The following BMP2 variants were observed in gnomAD, a reference collection of about 807,000 sequenced individuals.
The protein encoded by BMP2 is bone morphogenetic protein 2.
BMP2 carries 2 observed loss-of-function variants against 28.8 expected under a neutral mutation model. The ratio of observed to expected loss-of-function variants is 0.07; its 90% CI spans 0.03 to 0.22. The LOEUF (loss-of-function observed/expected upper bound fraction) is 0.22, where lower values mean the gene tolerates loss of function less well. Ranked by LOEUF, BMP2 falls within the 10% of genes least tolerant of loss-of-function variation. The pLI, the probability that BMP2 is intolerant of heterozygous loss-of-function variation, is 1.00. For synonymous variants in BMP2, 218 were observed against 204.3 expected, an observed-to-expected ratio of 1.07 and a Z score of -0.57; for missense variants, 437 against 517.7, an observed-to-expected ratio of 0.84 and a Z score of 1.51.
At chr20:6,774,749 A>G (rs923337669) in intron 2 of BMP2, among the ~76,000 whole-genome samples, 28 of 152,222 alleles carry the variant, frequency 1.8e-4, no homozygotes, top group African/African-American at 6.5e-4. Flanking sequence ...GCCAGATTAC[A>G]CTCAAAAAAA....
chr20:6,773,281 C>A (rs767877969), intron 2 of BMP2, among the ~76,000 whole-genome samples: 1 of 152,192 alleles, frequency 6.6e-6, no homozygotes, highest in African/African-American at 2.4e-5. Flanking sequence ...CAAATTCCCC[C>A]GTGCAAACAA....
At chr20:6,777,791 C>T (rs528708038) in intron 2 of BMP2, among the ~76,000 whole-genome samples, 1 of 152,188 alleles carries the variant, frequency 6.6e-6, no homozygotes, top group South Asian at 2.1e-4. Context: ...TAGAATACTG[C>T]TTAAGGGATT....
In BMP2 at chr20:6,767,750, G is replaced by C; in HGVS notation, c.-1133G>C. ...CCGCGCTGCGCCCGGCTCGCGCTGC[G>C]CTAGTCGCTCCGCTTCCCACACCCC... On this transcript the variant is annotated 5_prime_UTR_variant, in exon 1 of 3. Coordinates refer to ENST00000378827, the MANE Select transcript of BMP2 (RefSeq NM_001200.4). The C allele has an allele frequency of 5.0e-6, 1 of 201,530 alleles. No homozygotes were observed. The highest frequency in any genetic ancestry group is 9.9e-6 in the Non-Finnish European group (1 of 101,106). 12.5% of individuals were successfully genotyped at this position (201,530 alleles called of 1,614,324 possible). A position where few individuals can be genotyped will look rare whatever the true frequency, so the allele number is the denominator to read the frequency against.
Position 6,768,186 on chromosome 20 carries a change from C to T in BMP2, c.-697C>T, listed in dbSNP as rs1458821691. 1.0e-5 allele frequency: 4 copies of T among 398,082 alleles called. No homozygotes were observed. Among genetic ancestry groups the T allele is most frequent in the Non-Finnish European group, 1.8e-5 (4 of 225,900 alleles). 24.7% of individuals were successfully genotyped at this position (398,082 alleles called of 1,614,324 possible). A position where few individuals can be genotyped will look rare whatever the true frequency, so the allele number is the denominator to read the frequency against. ...CGGCCCGGGACTCGGCTCGACTCGC[C>T]GGAGAATGCGCCCGAGGACGACGGG... On this transcript the variant is annotated 5_prime_UTR_variant, in exon 1 of 3. Transcript: ENST00000378827.
chr20:6,779,111 A>AATAT lies in BMP2; in HGVS notation c.*39_*42dup, dbSNP rs71646302. ...CTAGTACAGCAAAATTAAATACATA[A>AATAT]ATATATATATATATATATATTTTAG... On this transcript the variant is annotated 3_prime_UTR_variant, in exon 3 of 3. Coordinates refer to ENST00000378827, the MANE Select transcript of BMP2 (RefSeq NM_001200.4). 2.1e-4 allele frequency: 211 copies of AATAT among 1,023,064 alleles called. No individual in the cohort carries two copies. Among genetic ancestry groups the AATAT allele is most frequent in the Admixed American group, 6.1e-4 (16 of 26,106 alleles). The allele number at this position is 1,023,064 out of a possible 1,614,324, so 63.4% of individuals were successfully genotyped here.
At position 6,768,136 on chromosome 20, in the gene BMP2, G is replaced by A; in HGVS notation, c.-747G>A. On this transcript the variant is annotated 5_prime_UTR_variant, in exon 1 of 3. Coordinates refer to ENST00000378827, the MANE Select transcript of BMP2 (RefSeq NM_001200.4). Reference sequence around the variant, plus strand: ...TTGGCCCCAGGGCTAGGAGAGCGAGGGGAGAGCACAGCCACCCGCCTCGGC... The same window carrying A: ...TTGGCCCCAGGGCTAGGAGAGCGAGAGGAGAGCACAGCCACCCGCCTCGGC... The A allele has an allele frequency of 2.5e-6, 1 of 398,198 alleles. No homozygotes were observed. The allele number at this position is 398,198 out of a possible 1,614,324, so 24.7% of individuals were successfully genotyped here.
At chr20:6,776,539 G>A (rs1024269792) in intron 2 of BMP2, among the ~76,000 whole-genome samples, 1 of 152,174 alleles carries the variant, frequency 6.6e-6, no homozygotes, top group Non-Finnish European at 1.5e-5. Context: ...GCAAAACCTT[G>A]ACACTCCAAG....
At chr20:6,775,638 G>A (rs1986484992) in intron 2 of BMP2, among the ~76,000 whole-genome samples, 1 of 152,032 alleles carries the variant, frequency 6.6e-6, no homozygotes, top group African/African-American at 2.4e-5. Context: ...GTCAAATAGT[G>A]GCAATTTTGT....
Position 6,768,395 on chromosome 20 carries a change from C to G in BMP2, c.-488C>G, listed in dbSNP as rs2746245. On this transcript the variant is annotated 5_prime_UTR_variant, in exon 1 of 3. Transcript: ENST00000378827. ...CGCGGCGGAGCTAGCGCGGAGCGCC[C>G]GACCCTCGACCCCCGAGTCCCGGAG... 1.5e-5 allele frequency: 6 copies of G among 394,674 alleles called. No homozygotes were observed. The highest frequency in any genetic ancestry group is 6.3e-4 in the Middle Eastern group (1 of 1,582). The allele number at this position is 394,674 out of a possible 1,614,324, so 24.4% of individuals were successfully genotyped here.
intron 2 of BMP2, among the ~76,000 whole-genome samples, chr20:6,773,366 T>C (rs1986437543): frequency 6.6e-6 from 1 of 152,214 alleles, no homozygotes; most frequent in African/African-American, 2.4e-5. Context: ...GGTATTTCAT[T>C]GTCATTACAG....
intron 2 of BMP2, among the ~76,000 whole-genome samples, chr20:6,771,161 G>T (rs1568547920): frequency 2.0e-5 from 3 of 149,602 alleles, no homozygotes; most frequent in South Asian, 4.3e-4. Flanking sequence ...GCAGCTGCCT[G>T]TTTTTTTTTC....
chr20:6,767,693 C>CCGCCGT lies in BMP2; in HGVS notation c.-1184_-1179dup, dbSNP rs1177848265. Reference sequence around the variant, plus strand: ...CGAGCGCCGCGCCACGGCGCCGCCGCCGCCGTCGCCGCCGCCGGAGTCCTC... The same window carrying CCGCCGT: ...CGAGCGCCGCGCCACGGCGCCGCCGCCGCCGTCGCCGTCGCCGCCGCCGGAGTCCTC... On this transcript the variant is annotated 5_prime_UTR_variant, in exon 1 of 3. Coordinates refer to ENST00000378827, the MANE Select transcript of BMP2 (RefSeq NM_001200.4). The CCGCCGT allele has an allele frequency of 4.0e-5, 6 of 149,888 alleles. No homozygotes were observed. The highest frequency in any genetic ancestry group is 2.0e-4 in the Admixed American group (3 of 14,922). The allele number at this position is 149,888 out of a possible 1,614,324, so 9.3% of individuals were successfully genotyped here. A position where few individuals can be genotyped will look rare whatever the true frequency, so the allele number is the denominator to read the frequency against.
chr20:6,768,218 G>A lies in BMP2; in HGVS notation c.-665G>A, dbSNP rs951349513. 18 of 398,214 alleles carry A rather than the reference G, an allele frequency of 4.5e-5. No homozygotes were observed. The highest frequency in any genetic ancestry group is 4.3e-4 in the East Asian group (12 of 28,044). 24.7% of individuals were successfully genotyped at this position (398,214 alleles called of 1,614,324 possible). A position where few individuals can be genotyped will look rare whatever the true frequency, so the allele number is the denominator to read the frequency against. On this transcript the variant is annotated 5_prime_UTR_variant, in exon 1 of 3. Coordinates refer to ENST00000378827, the MANE Select transcript of BMP2 (RefSeq NM_001200.4). ...TGCGCCCGAGGACGACGGGGCGCCA[G>A]AGCCGCGGTGCTTTCAACTGGCGAG...
At position 6,778,995 on chromosome 20, in the gene BMP2, T is replaced by C; in HGVS notation, c.1097T>C (p.Leu366Pro). ...IPKACCVPTELSAISMLYLDE... is the reference protein window; with the variant it reads ...IPKACCVPTEPSAISMLYLDE... ...AAGGCATGCTGTGTCCCGACAGAAC[T>C]CAGTGCTATCTCGATGCTGTACCTT... The change falls in exon 3 of 3, where the codon CTC (leucine) becomes CCC (proline). Residue 366 changes from leucine to proline, a missense_variant. Transcript: ENST00000378827. This position sits in a 1 kb window ranked among gnomAD's most constrained non-coding sequence, Gnocchi z 5.0. The C allele has an allele frequency of 6.2e-7, 1 of 1,613,888 alleles. No homozygotes were observed.
intron 2 of BMP2, among the ~76,000 whole-genome samples, chr20:6,776,476 G>A (rs577449976): frequency 3.9e-5 from 6 of 152,084 alleles, no homozygotes; most frequent in Non-Finnish European, 7.4e-5. Context: ...TAACAAAAAG[G>A]CACTTTAAAA....
Position 6,768,655 on chromosome 20 carries a change from C to G in BMP2, c.-228C>G, listed in dbSNP as rs1233943887. ...GAGCCTGCTTCGCCATCTCCGAGCCCCACCGCCCCTCCACTCCTCGGCCTT... is the reference window on the plus strand; with the variant it reads ...GAGCCTGCTTCGCCATCTCCGAGCCGCACCGCCCCTCCACTCCTCGGCCTT... On this transcript the variant is annotated 5_prime_UTR_variant, in exon 1 of 3. Transcript: ENST00000378827. The G allele has an allele frequency of 7.6e-6, 3 of 396,322 alleles. No individual in the cohort carries two copies. Among genetic ancestry groups the G allele is most frequent in the Non-Finnish European group, 1.3e-5 (3 of 225,036 alleles). 24.6% of individuals were successfully genotyped at this position (396,322 alleles called of 1,614,324 possible).
At chr20:6,771,919 A>G (rs778064339) in intron 2 of BMP2, among the ~76,000 whole-genome samples, 1 of 152,176 alleles carries the variant, frequency 6.6e-6, no homozygotes, top group Non-Finnish European at 1.5e-5. Context: ...ATGATTATAG[A>G]TCCAGCTAAT....
At chr20:6,773,684 CTTG>C (rs1568548501) in intron 2 of BMP2, among the ~76,000 whole-genome samples, 1 of 152,070 alleles carries the variant, frequency 6.6e-6, no homozygotes, top group Non-Finnish European at 1.5e-5. Flanking sequence ...TTGCCATTCC[CTTG>C]TTGTATTTTT....
At position 6,768,884 on chromosome 20, in the gene BMP2, C is replaced by A. The variant is rs185340495; in HGVS notation, c.-8+9C>A. 1.7e-4 allele frequency: 58 copies of A among 341,214 alleles called. No individual in the cohort carries two copies. The East Asian group carries it at 2.4e-3, about 14-fold the overall frequency. 21.1% of individuals were successfully genotyped at this position (341,214 alleles called of 1,614,324 possible). A position where few individuals can be genotyped will look rare whatever the true frequency, so the allele number is the denominator to read the frequency against. The stretch of plus-strand genomic sequence containing the variant: ...ACTGCGGTCTCCTAAAGGTAGAGGA[C>A]GCGGGCCAGGGCCCGGGGTGGGTGG... On this transcript the variant is annotated intron_variant, in intron 1 of 2. Coordinates refer to ENST00000378827, the MANE Select transcript of BMP2 (RefSeq NM_001200.4).
Sources: allele counts gnomAD v4.1 joint callset (sites outside exome capture counted in the v4.1 genomes callset), GRCh38; gene constraint gnomAD v4.1.1; non-coding constraint Gnocchi (gnomAD v3.1); transcripts MANE v1.5; gene names NCBI Gene and HGNC (gene_info 2026-07-23, HGNC 2026-07-21).